The following KCTD1 variants were observed in gnomAD, a reference collection of about 807,000 sequenced individuals.
The protein encoded by KCTD1 is potassium channel tetramerization domain containing 1.
A neutral mutation model predicts 66.0 loss-of-function variants in KCTD1; 24 were observed. The observed-to-expected ratio is 0.36, with a 90% CI of 0.26 to 0.51. The LOEUF is 0.51. KCTD1 is among the 20% of genes least tolerant of loss of function. KCTD1 has a pLI of 0.95. For synonymous variants in KCTD1, 511 were observed against 517.2 expected (o/e 0.99, Z 0.16); for missense variants, 943 against 1,205.2 (o/e 0.78, Z 3.22).
intron 1 of KCTD1, chr18:26,565,720 C>A (rs1985966048): frequency 6.7e-6 from 1 of 149,490 alleles, no homozygotes; most frequent in Non-Finnish European, 1.5e-5. Context: ...GAGTTAGTGC[C>A]AATTTTTTTT....
chr18:26,645,642 C>T (rs931566410), intron 1 of KCTD1, among the ~76,000 whole-genome samples: 1 of 152,148 alleles, frequency 6.6e-6, no homozygotes, highest in Non-Finnish European at 1.5e-5. Flanking sequence ...AAGCAATCCT[C>T]CCACCTTGGC....
intron 1 of KCTD1, among the ~76,000 whole-genome samples, chr18:26,529,177 A>T (rs1984316905): frequency 6.6e-6 from 1 of 151,856 alleles, no homozygotes; most frequent in African/African-American, 2.4e-5. Flanking sequence ...GTCAATATCT[A>T]CTTCTGTTCA....
chr18:26,614,100 T>C (rs1328378826), intron 1 of KCTD1, among the ~76,000 whole-genome samples: 1 of 152,242 alleles, frequency 6.6e-6, no homozygotes, highest in Non-Finnish European at 1.5e-5. Context: ...CACATATACG[T>C]TGATCTAACA....
chr18:26,580,559 C>T (rs1412706410), intron 1 of KCTD1, among the ~76,000 whole-genome samples: 1 of 152,122 alleles, frequency 6.6e-6, no homozygotes, highest in Admixed American at 6.5e-5. Flanking sequence ...TTGTTATCAC[C>T]TCTGTCAGCC....
rs1421372539 is a variant in KCTD1 at position 26,489,350 on chromosome 18, C to T, written c.1988+11722G>A. Among the ~76,000 whole-genome samples the T allele has an allele frequency of 2.0e-5, 3 of 152,280 alleles. No homozygotes were observed. The South Asian group carries it at 6.2e-4, about 32-fold the overall frequency. ...CTAACATAGCTCACGTTTCAGTGAT[C>T]CATGTTTCAGTTATGTGGCAGTGGA... On this transcript the variant is annotated intron_variant, in intron 2 of 4. Coordinates refer to ENST00000580059, the MANE Select transcript of KCTD1 (RefSeq NM_001142730.3).
intron 1 of KCTD1, among the ~76,000 whole-genome samples, chr18:26,586,331 A>T (rs1206644022): frequency 6.6e-6 from 1 of 152,152 alleles, no homozygotes; most frequent in African/African-American, 2.4e-5. Flanking sequence ...AGGTGCCATG[A>T]ACTGCACCCA....
intron 3 of KCTD1, 141 bp from the exon 4 acceptor site, chr18:26,460,066 T>C: frequency 1.6e-6 from 1 of 640,976 alleles, no homozygotes; most frequent in Non-Finnish European, 2.7e-6. Flanking sequence ...TACGACATGT[T>C]TGTAGAGGCT....
rs912694280 is a variant in KCTD1, at chr18:26,459,981, T to C, written c.2134-56A>G. ...AACTGCAAACATAAAGTACTAAACATGTCCACATCTAAGAGGTGATTTTTT... is the reference window on the plus strand; with the variant it reads ...AACTGCAAACATAAAGTACTAAACACGTCCACATCTAAGAGGTGATTTTTT... On this transcript the variant is annotated intron_variant, in intron 3 of 4. Transcript: ENST00000580059. 3.0e-5 allele frequency: 39 copies of C among 1,290,974 alleles called. No individual in the cohort carries two copies. The Middle Eastern group carries it at 5.8e-4, about 19-fold the overall frequency. The allele number at this position is 1,290,974 out of a possible 1,614,324, so 80.0% of individuals were successfully genotyped here. A position where few individuals can be genotyped will look rare whatever the true frequency, so the allele number is the denominator to read the frequency against.
chr18:26,503,426 A>C (rs1035974361), intron 1 of KCTD1, among the ~76,000 whole-genome samples: 6 of 152,194 alleles, frequency 3.9e-5, no homozygotes, highest in Non-Finnish European at 7.3e-5. Context: ...TAAAAATGCA[A>C]TCATACAACC....
intron 1 of KCTD1, among the ~76,000 whole-genome samples, chr18:26,512,835 G>C (rs1281487963): frequency 6.6e-6 from 1 of 152,028 alleles, no homozygotes; most frequent in Non-Finnish European, 1.5e-5. Flanking sequence ...GCAAAAATTA[G>C]CCGGGTGTGG....
chr18:26,478,767 A>C (rs7235421), intron 2 of KCTD1, among the ~76,000 whole-genome samples: 1 of 151,892 alleles, frequency 6.6e-6, no homozygotes, highest in African/African-American at 2.4e-5. Context: ...CATTTTTTTT[A>C]AAATTAAGTC....
At position 26,468,698 on chromosome 18, in the gene KCTD1, C is replaced by CGTGGTGGCGT. The variant is rs889214360; in HGVS notation, c.2133+7807_2133+7816dup. Reference sequence around the variant, plus strand: ...AATATAAAAATTAGTGTGCCTGTGGCGTGGTGGCGTGTGGTGGCGTGTGCC... The same window carrying CGTGGTGGCGT: ...AATATAAAAATTAGTGTGCCTGTGGCGTGGTGGCGTGTGGTGGCGTGTGGTGGCGTGTGCC... On this transcript the variant is annotated intron_variant, in intron 3 of 4. Coordinates refer to ENST00000580059, the MANE Select transcript of KCTD1 (RefSeq NM_001142730.3). This position sits in a 1 kb window ranked among gnomAD's most constrained non-coding sequence, Gnocchi z 4.8. Among the ~76,000 whole-genome samples, 1 of 151,924 alleles carries CGTGGTGGCGT rather than the reference C, an allele frequency of 6.6e-6. No individual in the cohort carries two copies. Among genetic ancestry groups the CGTGGTGGCGT allele is most frequent in the African/African-American group, 2.4e-5 (1 of 41,342 alleles).
chr18:26,551,733 T>C (rs753377382), upstream of KCTD1, among the ~76,000 whole-genome samples: 12 of 152,330 alleles, frequency 7.9e-5, no homozygotes, highest in Non-Finnish European at 1.5e-4. Context: ...CCAAGTTTAA[T>C]AAATGATCCC....
chr18:26,532,261 CTTT>C lies in KCTD1; in HGVS notation c.1809+14464_1809+14466del, dbSNP rs533359603. Among the ~76,000 whole-genome samples the C allele has an allele frequency of 2.9e-3, 85 of 29,552 alleles. 2 individuals are homozygous for C. The highest frequency in any genetic ancestry group is 0.025 in the Middle Eastern group (1 of 40). The allele number at this position is 29,552 out of a possible 152,430, so 19.4% of individuals were successfully genotyped here. A position where few individuals can be genotyped will look rare whatever the true frequency, so the allele number is the denominator to read the frequency against. ...CTTTTTCTTTTTCTTTTCTTTCCTT[CTTT>C]TTTTTTTTTTTTTTTTTTTTTTTGA... On this transcript the variant is annotated intron_variant, in intron 1 of 4. Coordinates refer to ENST00000580059, the MANE Select transcript of KCTD1 (RefSeq NM_001142730.3).
chr18:26,579,062 G>T (rs568450212), intron 1 of KCTD1, among the ~76,000 whole-genome samples: 1 of 151,146 alleles, frequency 6.6e-6, no homozygotes, highest in African/African-American at 2.4e-5. Flanking sequence ...TTTTCAGTCC[G>T]CCAAATACTG....
At chr18:26,491,111 T>A (rs1001439857) in intron 2 of KCTD1, among the ~76,000 whole-genome samples, 1 of 152,074 alleles carries the variant, frequency 6.6e-6, no homozygotes, top group African/African-American at 2.4e-5. Flanking sequence ...GGTGTGTGAG[T>A]GTATGCATGC....
At chr18:26,494,674 G>A (rs771891380) in intron 2 of KCTD1, among the ~76,000 whole-genome samples, 45 of 152,084 alleles carry the variant, frequency 3.0e-4, no homozygotes, top group Non-Finnish European at 5.0e-4. Context: ...GAGCAATTTT[G>A]GAAAAGCAGT....
intron 1 of KCTD1, among the ~76,000 whole-genome samples, chr18:26,537,093 A>G (rs186997822): frequency 1.6e-3 from 250 of 152,318 alleles, no homozygotes; most frequent in African/African-American, 5.8e-3. Flanking sequence ...AAGCTAGCAT[A>G]ATCAGCTTTC....
chr18:26,484,032 C>T (rs1360522977), intron 2 of KCTD1, among the ~76,000 whole-genome samples: 2 of 152,238 alleles, frequency 1.3e-5, no homozygotes, highest in East Asian at 1.9e-4. Context: ...AAAGGGAATG[C>T]GATGCTGGAG....
Sources: gnomAD v4.1 joint callset for allele counts (sites outside exome capture counted in the v4.1 genomes callset) on GRCh38, gnomAD v4.1.1 for gene constraint, Gnocchi (gnomAD v3.1) non-coding constraint, MANE v1.5 for transcripts, NCBI Gene and HGNC (gene_info 2026-07-23, HGNC 2026-07-21) for gene names.